Variants in GSTCD observed in about 807,000 individuals in gnomAD.
The protein encoded by GSTCD is glutathione S-transferase C-terminal domain containing, also known as glutathione S-transferase C-terminal domain-containing protein.
GSTCD carries 44 observed loss-of-function variants against 68.3 expected under a neutral mutation model. The observed-to-expected ratio is 0.64, with a 90% CI of 0.51 to 0.83. The LOEUF (loss-of-function observed/expected upper bound fraction) is 0.83. Among genes scored for constraint, GSTCD ranks in the 40% least tolerant of loss-of-function variants. The probability of loss-of-function intolerance (pLI) is 0.00; values close to 1 mark genes in which losing one functional copy is unlikely to be tolerated. For synonymous variants in GSTCD, 273 were observed against 255.2 expected (o/e 1.07, Z -0.67); for missense variants, 739 against 735.9 (o/e 1.00, Z -0.05).
chr4:105,809,681 C>A (rs1416461707), intron 5 of GSTCD, among the ~76,000 whole-genome samples: 2 of 151,968 alleles, frequency 1.3e-5, no homozygotes, highest in Non-Finnish European at 2.9e-5. Flanking sequence ...ATCTTAAGCA[C>A]CTAATAAATA....
intron 5 of GSTCD, among the ~76,000 whole-genome samples, chr4:105,764,017 T>C (rs1373666686): frequency 1.3e-5 from 2 of 152,100 alleles, no homozygotes; most frequent in Admixed American, 6.6e-5. Context: ...TTTCCTAACA[T>C]TTCAGTAGTT....
intron 5 of GSTCD, among the ~76,000 whole-genome samples, chr4:105,763,280 A>G (rs1387102052): frequency 1.3e-5 from 2 of 152,216 alleles, no homozygotes; most frequent in African/African-American, 2.4e-5. Flanking sequence ...CAAAGGAAAT[A>G]ACTATACTTA....
chr4:105,833,074 G>C (rs11732650), intron 8 of GSTCD, among the ~76,000 whole-genome samples: 8,262 of 152,284 alleles, frequency 0.054, 255 homozygotes, highest in Middle Eastern at 0.13. Context: ...GAATTCAGGA[G>C]GAGGATTAAG....
chr4:105,725,483 T>C (rs1462597678), intron 3 of GSTCD, among the ~76,000 whole-genome samples: 1 of 152,172 alleles, frequency 6.6e-6, no homozygotes, highest in Non-Finnish European at 1.5e-5. Context: ...TTGTTCCACA[T>C]GCGCACCATC....
At chr4:105,754,975 T>A (rs915315368) in intron 5 of GSTCD, among the ~76,000 whole-genome samples, 2 of 144,446 alleles carry the variant, frequency 1.4e-5, no homozygotes, top group African/African-American at 5.2e-5. Context: ...ATCCCAGCAC[T>A]TTGGGAGGCT....
intron 5 of GSTCD, among the ~76,000 whole-genome samples, chr4:105,759,553 G>C (rs1416864727): frequency 2.0e-5 from 3 of 152,128 alleles, no homozygotes; most frequent in Non-Finnish European, 2.9e-5. Flanking sequence ...GGCATCAACT[G>C]TTCATGTTTG....
At chr4:105,841,100 G>T (rs1235952862) in intron 10 of GSTCD, among the ~76,000 whole-genome samples, 1 of 152,084 alleles carries the variant, frequency 6.6e-6, no homozygotes, top group Non-Finnish European at 1.5e-5. Context: ...CAGATCACAA[G>T]GTCAGGAGTT....
At chr4:105,842,183 C>T in intron 11 of GSTCD, 49 bp downstream of exon 11, 1 of 1,447,006 alleles carries the variant, frequency 6.9e-7, no homozygotes, top group Non-Finnish European at 9.7e-7. Flanking sequence ...CACAATATGA[C>T]TGGGAATGAT....
intron 7 of GSTCD, chr4:105,823,824 C>T (rs1723443370): frequency 2.6e-5 from 4 of 152,166 alleles, no homozygotes; most frequent in African/African-American, 9.7e-5. Flanking sequence ...GTATCCCTTG[C>T]TTTCACTCAA....
intron 5 of GSTCD, among the ~76,000 whole-genome samples, chr4:105,789,010 T>C (rs1462233236): frequency 6.6e-6 from 1 of 152,104 alleles, no homozygotes; most frequent in Non-Finnish European, 1.5e-5. Context: ...ATGACGTGTC[T>C]TCAAGGGGAA....
chr4:105,759,215 A>G (rs573861126), intron 5 of GSTCD, among the ~76,000 whole-genome samples: 1 of 152,302 alleles, frequency 6.6e-6, no homozygotes, highest in East Asian at 1.9e-4. Context: ...TGAGTCAGCT[A>G]GTAATGGTAC....
chr4:105,745,215 A>AT (rs1311469549), intron 5 of GSTCD, among the ~76,000 whole-genome samples: 1 of 152,228 alleles, frequency 6.6e-6, no homozygotes, highest in African/African-American at 2.4e-5. Context: ...TGTGAAAAAT[A>AT]TACCTACTGA....
rs1476916632 is a variant in GSTCD, at chr4:105,795,257, T to C, written c.1241-27697T>C. Among the ~76,000 whole-genome samples the C allele has an allele frequency of 2.0e-5, 3 of 152,122 alleles. No individual in the cohort carries two copies. The East Asian group carries it at 5.8e-4, about 29-fold the overall frequency. On this transcript the variant is annotated intron_variant, in intron 5 of 11. Coordinates refer to ENST00000515279, the MANE Select transcript of GSTCD (RefSeq NM_001370181.1). ...CTTCTTGTTTTCCAATGAATGTATC[T>C]TATAAAAGCTGTAGACATTTTTCTG...
chr4:105,740,424 C>T (rs2149219202), intron 5 of GSTCD, among the ~76,000 whole-genome samples: 1 of 152,204 alleles, frequency 6.6e-6, no homozygotes, highest in East Asian at 1.9e-4. Flanking sequence ...CTTCAGTTCT[C>T]TGTACGGCTA....
intron 3 of GSTCD, among the ~76,000 whole-genome samples, chr4:105,723,678 G>T (rs1732942044): frequency 6.6e-6 from 1 of 151,436 alleles, no homozygotes; most frequent in African/African-American, 2.4e-5. Context: ...TTACAAGTTG[G>T]ATAATTATAG....
chr4:105,834,769 G>C (rs1284731498), intron 9 of GSTCD, among the ~76,000 whole-genome samples, 175 bp downstream of exon 9: 1 of 152,192 alleles, frequency 6.6e-6, no homozygotes, highest in Non-Finnish European at 1.5e-5. Flanking sequence ...GTTTGTCCCT[G>C]ATTTTTCCCC....
intron 5 of GSTCD, among the ~76,000 whole-genome samples, chr4:105,747,389 G>A (rs72671885): frequency 0.054 from 8,197 of 152,264 alleles, 254 homozygotes; most frequent in Middle Eastern, 0.14. Flanking sequence ...TTCTCTTACA[G>A]GTCTGGGGTA....
At position 105,776,412 on chromosome 4, in the gene GSTCD, G is replaced by T. The variant is rs1407929418; in HGVS notation, c.1241-46542G>T. ...AAAAAAAACTCCTGCAGCTAGCTCTGTGTCTACCCAAACAGCCGCCCAGTT... is the reference window on the plus strand; with the variant it reads ...AAAAAAAACTCCTGCAGCTAGCTCTTTGTCTACCCAAACAGCCGCCCAGTT... On this transcript the variant is annotated intron_variant, in intron 5 of 11. Transcript: ENST00000515279. Among the ~76,000 whole-genome samples the T allele has an allele frequency of 2.0e-5, 3 of 152,140 alleles. No homozygotes were observed. The East Asian group carries it at 5.8e-4, about 29-fold the overall frequency.
rs911084217 is a variant in GSTCD, at chr4:105,719,685, G to A, written c.894+158G>A. The A allele has an allele frequency of 6.6e-6, 4 of 606,034 alleles. 1 individual carries two copies. In the East Asian group the frequency reaches 8.5e-5, roughly 13 times the overall value. The allele number at this position is 606,034 out of a possible 1,614,324, so 37.5% of individuals were successfully genotyped here. On this transcript the variant is annotated intron_variant, in intron 3 of 11. Coordinates refer to ENST00000515279, the MANE Select transcript of GSTCD (RefSeq NM_001370181.1). Reference sequence around the variant, plus strand: ...TATCTGTAAAATGGTGATAATAATAGTACCTATCTAAAAGGAAAAATGTAA... The same window carrying A: ...TATCTGTAAAATGGTGATAATAATAATACCTATCTAAAAGGAAAAATGTAA...
Sources: allele counts gnomAD v4.1 joint callset (sites outside exome capture counted in the v4.1 genomes callset), GRCh38; gene constraint gnomAD v4.1.1; transcripts MANE v1.5; gene names NCBI Gene and HGNC (gene_info 2026-07-23, HGNC 2026-07-21).